TCF25: variants seen among roughly 807,000 people sequenced by gnomAD.
TCF25 encodes TCF25 ribosome quality control complex subunit.
Under a neutral mutation model 83.1 loss-of-function variants are expected in TCF25, and 41 were observed. That is an observed-to-expected ratio of 0.49 (90% CI 0.38 to 0.64). TCF25 has a LOEUF of 0.64. Among genes scored for constraint, TCF25 ranks in the 30% least tolerant of loss-of-function variants. The pLI is 0.00. For synonymous variants in TCF25, 458 were observed against 365.0 expected (o/e 1.25, Z -2.90); for missense variants, 979 against 914.5 (o/e 1.07, Z -0.91).
At chr16:89,906,930 C>G (rs2044839281) in intron 15 of TCF25, among the ~76,000 whole-genome samples, 1 of 152,112 alleles carries the variant, frequency 6.6e-6, no homozygotes, top group Non-Finnish European at 1.5e-5. Flanking sequence ...GAGCTTCTGA[C>G]ACGTGGTGAA....
At chr16:89,903,736 G>A (rs1490732928) in intron 12 of TCF25, among the ~76,000 whole-genome samples, 6 of 152,214 alleles carry the variant, frequency 3.9e-5, no homozygotes, top group African/African-American at 1.4e-4. Context: ...GAGCCTGGGA[G>A]GTGGAGGTTG....
Position 89,898,633 on chromosome 16 carries a change from T to C in TCF25, c.1099T>C (p.Cys367Arg). The C allele has an allele frequency of 6.2e-7, 1 of 1,612,992 alleles. No homozygotes were observed. The highest frequency in any genetic ancestry group is 8.5e-7 in the Non-Finnish European group (1 of 1,180,024). The part of the protein sequence containing the change: ...RGCPRTALEY[C>R]KLILSLEPDE... The stretch of plus-strand genomic sequence containing the variant: ...CTGCCCGCGCACGGCGCTGGAGTAC[T>C]GCAAGCTCATCCTGAGGTGAGTGTC... Residue 367 changes from cysteine to arginine, a missense_variant, in exon 10 of 18, where the codon TGC becomes CGC. By Grantham distance (180) the Cys-to-Arg change is radical (BLOSUM62 -3). Transcript: ENST00000263346.
In TCF25 at chr16:89,892,066, C is replaced by A. The variant is rs76683657; in HGVS notation, c.615-127C>A. ...GCATCCTGTCCTTAATGCGTCCCCACCCTGCCCCACATGCCTTCTCTGCCC... is the reference window on the plus strand; with the variant it reads ...GCATCCTGTCCTTAATGCGTCCCCAACCTGCCCCACATGCCTTCTCTGCCC... On this transcript the variant is annotated intron_variant, in intron 5 of 17. Transcript: ENST00000263346. 1,895 of 839,580 alleles carry A rather than the reference C, an allele frequency of 2.3e-3. 21 individuals carry two copies. In the African/African-American group the frequency reaches 0.029, roughly 13 times the overall value. The allele number at this position is 839,580 out of a possible 1,614,324, so 52.0% of individuals were successfully genotyped here. A position where few individuals can be genotyped will look rare whatever the true frequency, so the allele number is the denominator to read the frequency against.
intron 12 of TCF25, among the ~76,000 whole-genome samples, chr16:89,903,528 G>A (rs1029400114): frequency 4.6e-5 from 7 of 152,148 alleles, no homozygotes; most frequent in Admixed American, 1.3e-4. Flanking sequence ...AAAATTAGCC[G>A]GGTGTGGTGG....
intron 16 of TCF25, among the ~76,000 whole-genome samples, chr16:89,908,660 A>G (rs866285227): frequency 2.0e-5 from 1 of 51,072 alleles, no homozygotes; most frequent in Non-Finnish European, 3.6e-5. Context: ...CCCACCTCCC[A>G]GCTCCCACCT....
chr16:89,900,641 C>G lies in TCF25; in HGVS notation c.1228C>G (p.Arg410Gly), dbSNP rs146942308. The G allele has an allele frequency of 6.3e-7, 1 of 1,590,272 alleles. No homozygotes were observed. The highest frequency in any genetic ancestry group is 8.6e-7 in the Non-Finnish European group (1 of 1,160,260). The change falls in exon 12 of 18, where the codon CGG becomes GGG. Residue 410 changes from arginine to glycine, a missense_variant. Arg to Gly is a moderately radical substitution (Grantham distance 125). Transcript: ENST00000263346. ...GTTTCTTCGTCCCTCGTAGGCTCAT[C>G]GGAACCTGTCCCAGCTCCCTAATTT... ...IRLFQEWEAH[R>G]NLSQLPNFAF...
chr16:89,906,389 C>T (rs2044785682), intron 15 of TCF25, 105 bp downstream of exon 15: 7 of 1,113,028 alleles, frequency 6.3e-6, no homozygotes, highest in East Asian at 5.1e-5. Context: ...CGGGCTCCCT[C>T]AGCAGCCCAG....
chr16:89,891,240 G>A (rs928329153), intron 5 of TCF25, among the ~76,000 whole-genome samples: 3 of 152,218 alleles, frequency 2.0e-5, no homozygotes, highest in Non-Finnish European at 4.4e-5. Flanking sequence ...CTCACCGCAG[G>A]TCAGGCCATC....
intron 2 of TCF25, among the ~76,000 whole-genome samples, 161 bp from the exon 3 acceptor site, chr16:89,884,421 G>C (rs111235607): frequency 3.2e-4 from 49 of 152,266 alleles, no homozygotes; most frequent in African/African-American, 1.1e-3. Flanking sequence ...AGGTGGGAAG[G>C]TGCCTGCTGG....
intron 7 of TCF25, 122 bp downstream of exon 7, chr16:89,893,980 G>T: frequency 7.0e-7 from 1 of 1,435,456 alleles, no homozygotes; most frequent in Non-Finnish European, 9.4e-7. Flanking sequence ...AACAGGAAGG[G>T]TGCCAGTCTC....
intron 1 of TCF25, among the ~76,000 whole-genome samples, chr16:89,881,815 C>T (rs1381104042): frequency 1.3e-5 from 2 of 152,088 alleles, no homozygotes; most frequent in African/African-American, 2.4e-5. Context: ...AGTGCAGTGG[C>T]ATAATCTTGG....
intron 1 of TCF25, among the ~76,000 whole-genome samples, chr16:89,877,486 T>A (rs1399181605): frequency 2.0e-5 from 3 of 152,190 alleles, no homozygotes; most frequent in African/African-American, 4.8e-5. Flanking sequence ...TATCAAAATT[T>A]GTGGGATGCA....
intron 5 of TCF25, among the ~76,000 whole-genome samples, chr16:89,888,363 G>A (rs954710170): frequency 2.0e-5 from 3 of 151,858 alleles, no homozygotes; most frequent in African/African-American, 4.8e-5. Flanking sequence ...CAAGGCGGGC[G>A]GATCACCTGA....
intron 1 of TCF25, among the ~76,000 whole-genome samples, chr16:89,880,153 C>G (rs1008198661): frequency 7.7e-6 from 1 of 130,618 alleles, no homozygotes; most frequent in African/African-American, 2.5e-5. Flanking sequence ...CTGAGCCCAT[C>G]ACGCGTGCTG....
chr16:89,873,892 G>A (rs778043742), intron 1 of TCF25, 33 bp downstream of exon 1: 17 of 1,487,826 alleles, frequency 1.1e-5, no homozygotes, highest in Non-Finnish European at 1.5e-5. Flanking sequence ...TGGGGGTGGG[G>A]TGGCCCTTGA....
Position 89,898,373 on chromosome 16 carries a change from C to T in TCF25, c.1023-184C>T, listed in dbSNP as rs571571947. 2.7e-5 allele frequency among the ~76,000 whole-genome samples: 4 copies of T among 146,228 alleles called. 1 individual carries two copies. The South Asian group carries it at 8.7e-4, about 32-fold the overall frequency. On this transcript the variant is annotated intron_variant, in intron 9 of 17. Coordinates refer to ENST00000263346, the MANE Select transcript of TCF25 (RefSeq NM_014972.3). ...GGTGGAGCGGGTGTTGACTGGGGCG[C>T]TGAGCAGTGTGTGGGGTGGAGCGGG... is the stretch of plus-strand genomic sequence containing the variant.
chr16:89,906,361 A>G (rs780844321), intron 15 of TCF25, 77 bp downstream of exon 15: 2 of 1,437,348 alleles, frequency 1.4e-6, no homozygotes, highest in East Asian at 2.3e-5. Context: ...GGCGGTCCAC[A>G]TGCAGGCGTG....
chr16:89,906,969 C>T (rs986225701), intron 15 of TCF25, among the ~76,000 whole-genome samples: 3 of 152,074 alleles, frequency 2.0e-5, no homozygotes, highest in Non-Finnish European at 2.9e-5. Context: ...CGGCACGTGA[C>T]CCCCTTCCTT....
intron 2 of TCF25, among the ~76,000 whole-genome samples, chr16:89,884,381 C>T (rs1597287063): frequency 6.6e-6 from 1 of 152,130 alleles, no homozygotes; most frequent in African/African-American, 2.4e-5. Flanking sequence ...GCCCTGGGGA[C>T]TGCTGTAGCA....
Sources: allele counts gnomAD v4.1 joint callset (sites outside exome capture counted in the v4.1 genomes callset), GRCh38; gene constraint gnomAD v4.1.1; transcripts MANE v1.5; gene names NCBI Gene and HGNC (gene_info 2026-07-23, HGNC 2026-07-21).